Variants in RABGAP1L observed in about 807,000 individuals in gnomAD.
RABGAP1L encodes RAB GTPase activating protein 1 like.
In RABGAP1L, 63 loss-of-function variants were observed where a neutral mutation model predicts 137.7. The observed-to-expected ratio is 0.46, with a 90% CI of 0.37 to 0.56. The LOEUF (loss-of-function observed/expected upper bound fraction) is 0.56, where lower values mean the gene tolerates loss of function less well. Ranked by LOEUF, RABGAP1L falls within the 20% of genes least tolerant of loss-of-function variation. The probability of loss-of-function intolerance (pLI) is 0.00; values close to 1 mark genes in which losing one functional copy is unlikely to be tolerated. For missense variants in RABGAP1L, 1,095 were observed against 1,244.0 expected, an observed-to-expected ratio of 0.88 and a Z score of 1.80; for synonymous variants, 431 against 433.7, an observed-to-expected ratio of 0.99 and a Z score of 0.08.
chr1:174,695,870 A>G (rs1350967980), intron 15 of RABGAP1L, among the ~76,000 whole-genome samples: 1 of 152,234 alleles, frequency 6.6e-6, no homozygotes, highest in Non-Finnish European at 1.5e-5. Flanking sequence ...TCGCAGAGAT[A>G]TAGCCTTGGT....
chr1:174,977,645 A>AT (rs1670761879), intron 22 of RABGAP1L, among the ~76,000 whole-genome samples: 1 of 152,186 alleles, frequency 6.6e-6, no homozygotes, highest in East Asian at 1.9e-4. Context: ...TAAAATAGGG[A>AT]TTATTCTCAT....
intron 7 of RABGAP1L, among the ~76,000 whole-genome samples, chr1:174,256,131 C>T (rs2148613509): frequency 6.6e-6 from 1 of 152,300 alleles, no homozygotes; most frequent in South Asian, 2.1e-4. Context: ...CATTTAGTTA[C>T]CATATGTCTT....
chr1:174,396,807 G>C (rs1050862977), intron 13 of RABGAP1L, among the ~76,000 whole-genome samples: 14 of 151,888 alleles, frequency 9.2e-5, no homozygotes, highest in Admixed American at 2.0e-4. Context: ...AAACACCATG[G>C]TAGTTTTAAC....
At chr1:174,314,814 T>C (rs1001870375) in intron 11 of RABGAP1L, among the ~76,000 whole-genome samples, 6 of 152,214 alleles carry the variant, frequency 3.9e-5, no homozygotes, top group Non-Finnish European at 5.9e-5. Context: ...ATTCCTCTTT[T>C]TAACAATTTC....
chr1:174,245,225 A>C (rs1280356188), intron 5 of RABGAP1L: 2 of 152,134 alleles, frequency 1.3e-5, no homozygotes, highest in Non-Finnish European at 2.9e-5. Context: ...AGCATGCATC[A>C]CCACACCTGG....
chr1:174,843,066 C>A (rs1156989797), intron 19 of RABGAP1L, among the ~76,000 whole-genome samples: 3 of 151,938 alleles, frequency 2.0e-5, no homozygotes, highest in African/African-American at 7.3e-5. Context: ...AAAACCAATT[C>A]AAAATAAAAT....
At chr1:174,683,486 A>C in intron 14 of RABGAP1L, 36 bp from the exon 15 acceptor site, 1 of 1,498,236 alleles carries the variant, frequency 6.7e-7, no homozygotes, top group Non-Finnish European at 9.3e-7. Flanking sequence ...ATCTGTGACT[A>C]TTTACGATAT....
chr1:174,612,286 A>G (rs1265666486), intron 13 of RABGAP1L, among the ~76,000 whole-genome samples: 1 of 152,192 alleles, frequency 6.6e-6, no homozygotes, highest in African/African-American at 2.4e-5. Flanking sequence ...ATTTTGTCAA[A>G]GGCCTTTTCT....
chr1:174,528,993 CT>C (rs1220030903), intron 13 of RABGAP1L, among the ~76,000 whole-genome samples: 89 of 132,548 alleles, frequency 6.7e-4, no homozygotes, highest in African/African-American at 1.1e-3. Context: ...TTGTCTGGTT[CT>C]TTTTTTTTTT....
At position 174,833,728 on chromosome 1, in the gene RABGAP1L, A is replaced by G. The variant is rs1232916432; in HGVS notation, c.2340+21768A>G. ...TTCAGTTATGATCATAACAGAAAAT[A>G]TTCCTATCCTCCTGAAGCTTTCAGG... On this transcript the variant is annotated intron_variant, in intron 19 of 25. Transcript: ENST00000681986. 2.6e-5 allele frequency among the ~76,000 whole-genome samples: 4 copies of G among 151,886 alleles called. No individual in the cohort carries two copies. The East Asian group carries it at 7.8e-4, about 29-fold the overall frequency.
At chr1:174,426,415 A>G (rs1306493620) in intron 13 of RABGAP1L, among the ~76,000 whole-genome samples, 1 of 152,114 alleles carries the variant, frequency 6.6e-6, no homozygotes. Flanking sequence ...TAATATAGAT[A>G]TTAGATAAAT....
intron 13 of RABGAP1L, among the ~76,000 whole-genome samples, chr1:174,406,592 T>C (rs951367266): frequency 2.0e-5 from 3 of 152,232 alleles, no homozygotes; most frequent in African/African-American, 7.2e-5. Flanking sequence ...TACGACTGCC[T>C]TGTTCTTTGT....
intron 22 of RABGAP1L, among the ~76,000 whole-genome samples, chr1:174,977,878 C>G (rs946144425): frequency 2.0e-5 from 3 of 152,010 alleles, no homozygotes; most frequent in African/African-American, 7.3e-5. Flanking sequence ...TAGAATCTAA[C>G]AGATATGAAG....
chr1:174,558,033 C>T (rs1257617980), intron 13 of RABGAP1L, among the ~76,000 whole-genome samples: 1 of 152,226 alleles, frequency 6.6e-6, no homozygotes, highest in Non-Finnish European at 1.5e-5. Flanking sequence ...CTTTTGCAGC[C>T]GCTTCCTTAT....
intron 11 of RABGAP1L, among the ~76,000 whole-genome samples, chr1:174,326,533 G>A (rs1441583396): frequency 6.6e-6 from 1 of 152,098 alleles, no homozygotes; most frequent in Non-Finnish European, 1.5e-5. Context: ...GGAATTAGAA[G>A]GTATGAAGAA....
chr1:174,228,777 T>A (rs926458841), intron 3 of RABGAP1L, among the ~76,000 whole-genome samples: 1 of 152,182 alleles, frequency 6.6e-6, no homozygotes, highest in South Asian at 2.1e-4. Flanking sequence ...TAAAATCCTA[T>A]CCTACAAGAG....
intron 1 of RABGAP1L, 38 bp from the exon 2 acceptor site, chr1:174,219,087 C>T: frequency 7.2e-7 from 1 of 1,384,384 alleles, no homozygotes; most frequent in Non-Finnish European, 9.9e-7. Flanking sequence ...TGTTTTTAAT[C>T]AGTAGGTTTT....
At chr1:174,625,898 T>G (rs1672908815) in intron 13 of RABGAP1L, among the ~76,000 whole-genome samples, 1 of 152,198 alleles carries the variant, frequency 6.6e-6, no homozygotes, top group Admixed American at 6.5e-5. Flanking sequence ...TTTTATACAG[T>G]GGATAATAAA....
intron 7 of RABGAP1L, among the ~76,000 whole-genome samples, chr1:174,267,729 A>C (rs1674191086): frequency 6.6e-6 from 1 of 152,208 alleles, no homozygotes; most frequent in African/African-American, 2.4e-5. Flanking sequence ...AAAATACTTT[A>C]ATTTTTGTGC....
Sources: gnomAD v4.1 joint callset for allele counts (sites outside exome capture counted in the v4.1 genomes callset) on GRCh38, gnomAD v4.1.1 for gene constraint, MANE v1.5 for transcripts, NCBI Gene and HGNC (gene_info 2026-07-23, HGNC 2026-07-21) for gene names.